The following SLC35F4 variants were observed in gnomAD, a reference collection of about 807,000 sequenced individuals.
SLC35F4 encodes the protein chromosome 14 open reading frame 36.
A neutral mutation model predicts 44.2 loss-of-function variants in SLC35F4; 24 were observed. The ratio of observed to expected loss-of-function variants is 0.54; its 90% CI spans 0.39 to 0.76. The LOEUF (loss-of-function observed/expected upper bound fraction) is 0.76, where lower values mean the gene tolerates loss of function less well. Ranked by LOEUF, SLC35F4 falls within the 30% of genes least tolerant of loss-of-function variation. The pLI, the probability that SLC35F4 is intolerant of heterozygous loss-of-function variation, is 0.00. For missense variants in SLC35F4, 562 were observed against 586.1 expected (o/e 0.96, Z 0.42); for synonymous variants, 238 against 223.6 (o/e 1.06, Z -0.57).
chr14:57,902,984 T>C (rs1195898880), intron 1 of SLC35F4, among the ~76,000 whole-genome samples: 1 of 152,202 alleles, frequency 6.6e-6, no homozygotes, highest in Non-Finnish European at 1.5e-5. Flanking sequence ...TGCCTTATTA[T>C]TTTAGTATAT....
chr14:57,634,448 T>TCA (rs1309104178), intron 1 of SLC35F4, among the ~76,000 whole-genome samples: 1 of 152,138 alleles, frequency 6.6e-6, no homozygotes, highest in Non-Finnish European at 1.5e-5. Flanking sequence ...TCATGGTGCT[T>TCA]CAGAGTGTGG....
chr14:57,882,044 C>T (rs905098413), intron 1 of SLC35F4, among the ~76,000 whole-genome samples: 1 of 152,262 alleles, frequency 6.6e-6, no homozygotes, highest in Middle Eastern at 3.4e-3. Flanking sequence ...TGCCCTTCAT[C>T]CAGACCTGGG....
chr14:57,888,505 T>C (rs1292604735), intron 1 of SLC35F4, among the ~76,000 whole-genome samples: 1 of 152,236 alleles, frequency 6.6e-6, no homozygotes, highest in African/African-American at 2.4e-5. Flanking sequence ...ATTTGTTTTA[T>C]GAATCAAATG....
chr14:57,849,651 A>C (rs1886377835), intron 1 of SLC35F4, among the ~76,000 whole-genome samples: 1 of 152,218 alleles, frequency 6.6e-6, no homozygotes, highest in Admixed American at 6.5e-5. Flanking sequence ...TAAAACTTTA[A>C]TAAAACTTGA....
intron 1 of SLC35F4, among the ~76,000 whole-genome samples, chr14:57,923,811 T>C (rs1822513572): frequency 6.6e-6 from 1 of 152,254 alleles, no homozygotes; most frequent in Non-Finnish European, 1.5e-5. Context: ...TGGACATCAC[T>C]ATCTGTCTTA....
chr14:57,824,880 G>A (rs910643475), intron 1 of SLC35F4, among the ~76,000 whole-genome samples: 27 of 152,142 alleles, frequency 1.8e-4, no homozygotes, highest in African/African-American at 6.3e-4. Context: ...AGCTATCGGA[G>A]GAACTGGGGT....
At chr14:57,866,294 G>A (rs1462515858), upstream of SLC35F4, among the ~76,000 whole-genome samples, 3 of 152,188 alleles carry the variant, frequency 2.0e-5, no homozygotes, top group African/African-American at 4.8e-5. Context: ...AGGGTGTTGG[G>A]AGTGGGAGAA....
chr14:57,828,548 A>C (rs1346506576), intron 1 of SLC35F4, among the ~76,000 whole-genome samples: 1 of 152,232 alleles, frequency 6.6e-6, no homozygotes, highest in Non-Finnish European at 1.5e-5. Context: ...GAATTTCTTC[A>C]CACACATCTC....
chr14:57,919,403 G>C (rs553670207), intron 1 of SLC35F4, among the ~76,000 whole-genome samples: 11 of 152,176 alleles, frequency 7.2e-5, no homozygotes, highest in African/African-American at 2.7e-4. Context: ...AAGCAGTTAG[G>C]GAAAGGGTTT....
Position 57,792,605 on chromosome 14 carries a change from G to C in SLC35F4, c.103+73118C>G, listed in dbSNP as rs1595076223. Among the ~76,000 whole-genome samples, 8 of 152,028 alleles carry C rather than the reference G, an allele frequency of 5.3e-5. No individual in the cohort carries two copies. The South Asian group carries it at 1.7e-3, about 32-fold the overall frequency. ...TGGAATACTACTCAGCCATAAAAAG[G>C]AATGAAATAATGGCATTGGCAACAA... On this transcript the variant is annotated intron_variant, in intron 1 of 7. Coordinates refer to ENST00000556826, the MANE Select transcript of SLC35F4 (RefSeq NM_001306087.2).
At chr14:57,851,707 G>A (rs1886583817) in intron 1 of SLC35F4, among the ~76,000 whole-genome samples, 1 of 152,114 alleles carries the variant, frequency 6.6e-6, no homozygotes, top group South Asian at 2.1e-4. Context: ...ACTCTGGATT[G>A]GGTCTTAGAA....
chr14:57,692,097 T>C (rs2075250710), intron 1 of SLC35F4, among the ~76,000 whole-genome samples: 1 of 152,216 alleles, frequency 6.6e-6, no homozygotes, highest in South Asian at 2.1e-4. Flanking sequence ...TTACATGTTG[T>C]TCACTTCCAT....
intron 1 of SLC35F4, chr14:57,630,848 T>G: frequency 1.2e-6 from 1 of 849,932 alleles, no homozygotes; most frequent in Non-Finnish European, 1.5e-6. Context: ...GATATGCTGT[T>G]GAGAAGCCAC....
intron 1 of SLC35F4, among the ~76,000 whole-genome samples, chr14:57,889,250 C>T (rs767655299): frequency 4.6e-5 from 7 of 152,202 alleles, no homozygotes; most frequent in African/African-American, 9.7e-5. Context: ...CACTGCCATG[C>T]GGTGCAGCAG....
chr14:57,778,034 G>A (rs1275860034), intron 1 of SLC35F4, among the ~76,000 whole-genome samples: 1 of 152,172 alleles, frequency 6.6e-6, no homozygotes, highest in African/African-American at 2.4e-5. Flanking sequence ...AGAACCTGGT[G>A]GGAGGTGATT....
At chr14:57,890,639 T>C (rs1326476710) in intron 1 of SLC35F4, among the ~76,000 whole-genome samples, 1 of 152,192 alleles carries the variant, frequency 6.6e-6, no homozygotes, top group Non-Finnish European at 1.5e-5. Context: ...ACAAGCTCTT[T>C]TTCCCAATGT....
chr14:57,652,793 T>A (rs191425894), intron 1 of SLC35F4, among the ~76,000 whole-genome samples: 1,822 of 152,296 alleles, frequency 0.012, 15 homozygotes, highest in Non-Finnish European at 0.016. Context: ...TATGCTAAAA[T>A]GTACACAAAT....
In SLC35F4 at chr14:57,865,839, C is replaced by T. The variant is rs1366555441; in HGVS notation, c.-14G>A. ...CTTGACATCCATAGAGAGCGCGGGG[C>T]GACGGCCCCGAGTGCGGCGGGGCGG... On this transcript the variant is annotated 5_prime_UTR_variant, in exon 1 of 8. Coordinates refer to ENST00000556826, the MANE Select transcript of SLC35F4 (RefSeq NM_001306087.2). The T allele has an allele frequency of 6.7e-6, 10 of 1,491,782 alleles. No individual in the cohort carries two copies. In the East Asian group the frequency reaches 8.1e-5, roughly 12 times the overall value. The allele number at this position is 1,491,782 out of a possible 1,614,324, so 92.4% of individuals were successfully genotyped here.
At chr14:57,860,209 A>T (rs1436440752) in intron 1 of SLC35F4, among the ~76,000 whole-genome samples, 1 of 152,190 alleles carries the variant, frequency 6.6e-6, no homozygotes, top group Non-Finnish European at 1.5e-5. Context: ...ATGATACCAG[A>T]GCTGGTACCC....
Sources: allele counts gnomAD v4.1 joint callset (sites outside exome capture counted in the v4.1 genomes callset), GRCh38; gene constraint gnomAD v4.1.1; transcripts MANE v1.5; gene names NCBI Gene and HGNC (gene_info 2026-07-23, HGNC 2026-07-21).